Variants in NEBL observed in about 807,000 individuals in gnomAD.
NEBL encodes the protein nebulette.
Under a neutral mutation model 140.2 loss-of-function variants are expected in NEBL, and 122 were observed. The ratio of observed to expected loss-of-function variants is 0.87; its 90% CI spans 0.75 to 1.01. NEBL has a LOEUF of 1.01. Ranked by LOEUF, NEBL falls within the 50% of genes least tolerant of loss-of-function variation. The pLI is 0.00. For synonymous variants in NEBL, 436 were observed against 398.9 expected (o/e 1.09, Z -1.11); for missense variants, 1,365 against 1,231.3 (o/e 1.11, Z -1.62).
intron 4 of NEBL, among the ~76,000 whole-genome samples, chr10:20,917,023 G>A (rs1382760276): frequency 1.3e-5 from 2 of 152,060 alleles, no homozygotes; most frequent in African/African-American, 2.4e-5. Context: ...CTATTATTTA[G>A]TGAAAGGGAC....
chr10:21,128,179 G>A (rs2132062369), intron 2 of NEBL, among the ~76,000 whole-genome samples: 1 of 152,104 alleles, frequency 6.6e-6, no homozygotes, highest in East Asian at 1.9e-4. Context: ...TCTTAAAAAA[G>A]AGCAACACCA....
chr10:21,198,231 G>C (rs1263885962), intron 3 of NEBL, among the ~76,000 whole-genome samples: 1 of 151,992 alleles, frequency 6.6e-6, no homozygotes, highest in African/African-American at 2.4e-5. Flanking sequence ...AGGTCACCTT[G>C]TCCTCTTAGC....
intron 17 of NEBL, among the ~76,000 whole-genome samples, chr10:20,826,896 T>G (rs1839935733): frequency 6.6e-6 from 1 of 152,214 alleles, no homozygotes. Flanking sequence ...CAAAAGCCCA[T>G]TAAGCCGTTA....
At chr10:20,900,300 T>C (rs1847805498), upstream of NEBL, among the ~76,000 whole-genome samples, 1 of 152,250 alleles carries the variant, frequency 6.6e-6, no homozygotes, top group Middle Eastern at 3.2e-3. Context: ...CTCTGCCATG[T>C]CCTCTAGGGC....
upstream of NEBL, among the ~76,000 whole-genome samples, chr10:20,899,876 A>G (rs1182450126): frequency 2.0e-5 from 3 of 152,214 alleles, no homozygotes; most frequent in African/African-American, 4.8e-5. Context: ...CAAGCTAGAG[A>G]CACCATTACT....
chr10:20,897,246 T>C lies in NEBL; in HGVS notation c.-41A>G, dbSNP rs758136404. ...TATTTATATTTTTAAAATTTACTCA[T>C]GTGGCGTCCTTTTCCATACCACAGT... On this transcript the variant is annotated 5_prime_UTR_variant, in exon 1 of 28. An upstream start codon of the reference 5' UTR is lost. Transcript: ENST00000377122. The C allele has an allele frequency of 4.6e-6, 7 of 1,535,274 alleles. No homozygotes were observed. Among genetic ancestry groups the C allele is most frequent in the Non-Finnish European group, 5.2e-6 (6 of 1,144,374 alleles).
chr10:21,126,993 A>C (rs999588186), intron 2 of NEBL, among the ~76,000 whole-genome samples: 13 of 151,204 alleles, frequency 8.6e-5, no homozygotes, highest in Non-Finnish European at 1.3e-4. Context: ...AAAAAAAAAA[A>C]AAAACTCCAC....
At chr10:21,147,524 A>G (rs1839950103) in intron 2 of NEBL, among the ~76,000 whole-genome samples, 1 of 151,300 alleles carries the variant, frequency 6.6e-6, no homozygotes, top group South Asian at 2.1e-4. Flanking sequence ...TTCCTCTTTC[A>G]GTCACCATTG....
chr10:20,964,074 A>C (rs1836181104), intron 3 of NEBL, among the ~76,000 whole-genome samples: 1 of 152,202 alleles, frequency 6.6e-6, no homozygotes, highest in Non-Finnish European at 1.5e-5. Context: ...GTCTGATTCT[A>C]GGAGGCAAGT....
chr10:20,781,840 T>C lies in NEBL; in HGVS notation c.*3907A>G, dbSNP rs1286555588. On this transcript the variant is annotated 3_prime_UTR_variant, in exon 28 of 28. Transcript: ENST00000377122. Reference sequence around the variant, plus strand: ...ATCCTTGTCAGTTTACATAGCTTCTTACTTAACTAAAAGCTCTCCCACCTC... The same window carrying C: ...ATCCTTGTCAGTTTACATAGCTTCTCACTTAACTAAAAGCTCTCCCACCTC... The C allele has an allele frequency of 6.6e-6, 1 of 152,600 alleles. No homozygotes were observed. Among genetic ancestry groups the C allele is most frequent in the Admixed American group, 6.6e-5 (1 of 15,264 alleles). 9.5% of individuals were successfully genotyped at this position (152,600 alleles called of 1,614,324 possible). A position where few individuals can be genotyped will look rare whatever the true frequency, so the allele number is the denominator to read the frequency against.
chr10:20,797,736 C>A (rs1483953099), intron 26 of NEBL, among the ~76,000 whole-genome samples: 1 of 152,114 alleles, frequency 6.6e-6, no homozygotes, highest in African/African-American at 2.4e-5. Context: ...AAGGTAAGAA[C>A]TTGACAGACA....
chr10:20,831,637 C>T (rs922255377), intron 14 of NEBL, 54 bp from the exon 15 acceptor site: 16 of 1,181,892 alleles, frequency 1.4e-5, no homozygotes, highest in Non-Finnish European at 2.0e-5. Context: ...AGAAACTGCT[C>T]AAAAATCGAG....
At chr10:20,809,174 A>G (rs1564342659) in intron 25 of NEBL, among the ~76,000 whole-genome samples, 1 of 152,178 alleles carries the variant, frequency 6.6e-6, no homozygotes, top group Non-Finnish European at 1.5e-5. Context: ...CAAGATCTAA[A>G]TGACATAGCT....
upstream of NEBL, among the ~76,000 whole-genome samples, chr10:21,175,756 A>G (rs147899744): frequency 0.01 from 1,555 of 152,370 alleles, 14 homozygotes; most frequent in Non-Finnish European, 0.015. Flanking sequence ...TCTTTTAAAA[A>G]TATTTCAGAG....
chr10:20,817,417 G>A (rs564059582), intron 21 of NEBL, among the ~76,000 whole-genome samples, 183 bp downstream of exon 21: 129 of 152,206 alleles, frequency 8.5e-4, no homozygotes, highest in African/African-American at 2.8e-3. Flanking sequence ...GGAACCCTGA[G>A]GTGGGGAACA....
At chr10:21,170,817 T>C (rs1841039404) in intron 2 of NEBL, 1 of 152,448 alleles carries the variant, frequency 6.6e-6, no homozygotes, top group Middle Eastern at 3.4e-3. Flanking sequence ...AGTGATTCCA[T>C]TTGCTTACCA....
At chr10:20,894,050 C>T (rs1300272077) in intron 2 of NEBL, among the ~76,000 whole-genome samples, 2 of 152,166 alleles carry the variant, frequency 1.3e-5, no homozygotes, top group Non-Finnish European at 2.9e-5. Flanking sequence ...ACATCTGTAC[C>T]ACTCTGCACA....
chr10:20,987,295 C>T (rs1324614522), intron 3 of NEBL, among the ~76,000 whole-genome samples: 1 of 151,820 alleles, frequency 6.6e-6, no homozygotes, highest in African/African-American at 2.4e-5. Context: ...CAAATGATAA[C>T]AAGTTGAGTT....
At chr10:20,884,513 T>C (rs1321850231) in intron 4 of NEBL, among the ~76,000 whole-genome samples, 1 of 152,254 alleles carries the variant, frequency 6.6e-6, no homozygotes, top group Non-Finnish European at 1.5e-5. Context: ...ATAATGGCTT[T>C]GCCTCTGAAA....
Sources: allele counts gnomAD v4.1 joint callset (sites outside exome capture counted in the v4.1 genomes callset), GRCh38; gene constraint gnomAD v4.1.1; transcripts MANE v1.5; gene names NCBI Gene and HGNC (gene_info 2026-07-23, HGNC 2026-07-21).